GALNT13: variants seen among roughly 807,000 people sequenced by gnomAD.
GALNT13 encodes polypeptide N-acetylgalactosaminyltransferase 13, also known as UDP-GalNAc:polypeptide N-acetylgalactosaminyltransferase 13.
A neutral mutation model predicts 64.2 loss-of-function variants in GALNT13; 28 were observed. The observed-to-expected ratio is 0.44, with a 90% confidence interval of 0.32 to 0.60. The LOEUF is 0.60. Ranked by LOEUF, GALNT13 falls within the 20% of genes least tolerant of loss-of-function variation. The probability of loss-of-function intolerance (pLI) is 0.05; values close to 1 mark genes in which losing one functional copy is unlikely to be tolerated. For missense variants in GALNT13, 577 were observed against 669.8 expected, an observed-to-expected ratio of 0.86 and a Z score of 1.53; for synonymous variants, 214 against 224.6, an observed-to-expected ratio of 0.95 and a Z score of 0.42.
chr2:154,138,192 T>A (rs1683057402), intron 3 of GALNT13, among the ~76,000 whole-genome samples: 1 of 152,138 alleles, frequency 6.6e-6, no homozygotes, highest in Non-Finnish European at 1.5e-5. Context: ...TTTATTATTC[T>A]TTGTTTAAAG....
At chr2:153,844,144 C>T in the GALNT13 span, among the ~76,000 whole-genome samples, 2 of 152,160 alleles carry the variant, frequency 1.3e-5, no homozygotes, top group African/African-American at 4.8e-5. Context: ...CCACATGTCC[C>T]CTCCACATTG....
At chr2:153,741,257 T>G in the GALNT13 span, among the ~76,000 whole-genome samples, 4 of 152,050 alleles carry the variant, frequency 2.6e-5, no homozygotes, top group Non-Finnish European at 4.4e-5. Flanking sequence ...CCAATGTACT[T>G]TTCTATTTCA....
chr2:153,349,692 A>G, the GALNT13 span, among the ~76,000 whole-genome samples: 1 of 152,084 alleles, frequency 6.6e-6, no homozygotes, highest in African/African-American at 2.4e-5. Context: ...ACTCCTAGGA[A>G]AAGGAAGTTT....
chr2:154,347,568 G>T, intron 9 of GALNT13, among the ~76,000 whole-genome samples: 1 of 151,922 alleles, frequency 6.6e-6, no homozygotes, highest in African/African-American at 2.4e-5. Context: ...AACTGTCTTT[G>T]CTCATAATAT....
chr2:153,222,654 C>A, the GALNT13 span, among the ~76,000 whole-genome samples: 1 of 152,192 alleles, frequency 6.6e-6, no homozygotes, highest in Non-Finnish European at 1.5e-5. Context: ...CCTCAGGTCA[C>A]TGGCCTCCCT....
intron 4 of GALNT13, among the ~76,000 whole-genome samples, chr2:154,193,579 C>T (rs926579547): frequency 1.3e-5 from 2 of 152,210 alleles, no homozygotes; most frequent in Admixed American, 6.5e-5. Flanking sequence ...TCAGTGACAG[C>T]CTTGTCCTGA....
At chr2:153,388,371 T>A in the GALNT13 span, among the ~76,000 whole-genome samples, 1 of 152,134 alleles carries the variant, frequency 6.6e-6, no homozygotes, top group African/African-American at 2.4e-5. Context: ...GCCTTAGAGT[T>A]AGACATTCCT....
the GALNT13 span, among the ~76,000 whole-genome samples, chr2:153,860,277 C>T: frequency 5.3e-5 from 8 of 152,182 alleles, no homozygotes; most frequent in African/African-American, 1.9e-4. Flanking sequence ...TGAGTCCTGA[C>T]GAACAGATCA....
At chr2:153,897,611 GT>G (rs1411288446) in intron 1 of GALNT13, among the ~76,000 whole-genome samples, 1 of 152,044 alleles carries the variant, frequency 6.6e-6, no homozygotes, top group Non-Finnish European at 1.5e-5. Context: ...GAAATACCAT[GT>G]TTGTCATCAC....
At chr2:153,373,903 T>G in the GALNT13 span, among the ~76,000 whole-genome samples, 1 of 152,204 alleles carries the variant, frequency 6.6e-6, no homozygotes, top group Non-Finnish European at 1.5e-5. Flanking sequence ...TTCTTAACGT[T>G]ATGTCAAGTT....
At chr2:153,982,125 C>A (rs150442922) in intron 3 of GALNT13, among the ~76,000 whole-genome samples, 2 of 152,096 alleles carry the variant, frequency 1.3e-5, no homozygotes, top group Non-Finnish European at 2.9e-5. Flanking sequence ...AACATTTTTT[C>A]TCTCATATTT....
At chr2:153,330,186 A>G in the GALNT13 span, among the ~76,000 whole-genome samples, 1 of 152,198 alleles carries the variant, frequency 6.6e-6, no homozygotes, top group Non-Finnish European at 1.5e-5. Flanking sequence ...GTAGCCTTAT[A>G]GTATAGTTTG....
chr2:153,744,064 A>G, the GALNT13 span, among the ~76,000 whole-genome samples: 1 of 152,028 alleles, frequency 6.6e-6, no homozygotes, highest in Non-Finnish European at 1.5e-5. Context: ...AATTTTTTTA[A>G]TCCATCCACC....
chr2:154,059,415 T>A (rs538156413), intron 3 of GALNT13, among the ~76,000 whole-genome samples: 23 of 152,334 alleles, frequency 1.5e-4, no homozygotes, highest in African/African-American at 5.3e-4. Context: ...GTGATAATAA[T>A]TTACAATATA....
chr2:153,670,636 C>T, the GALNT13 span, among the ~76,000 whole-genome samples: 6 of 152,302 alleles, frequency 3.9e-5, no homozygotes, highest in African/African-American at 1.4e-4. Flanking sequence ...AACCAGAATG[C>T]CTCTTCTCCT....
intron 8 of GALNT13, among the ~76,000 whole-genome samples, chr2:154,269,926 T>TTTATATATATGTGTATATA (rs1553506260): frequency 3.0e-5 from 1 of 33,336 alleles, no homozygotes; most frequent in Non-Finnish European, 7.6e-5. Flanking sequence ...ATATATATAT[T>TTTATATATATGTGTATATA]TCTAAAGCAC....
intron 3 of GALNT13, among the ~76,000 whole-genome samples, chr2:154,109,718 C>T (rs910945694): frequency 3.9e-5 from 6 of 152,122 alleles, no homozygotes; most frequent in Admixed American, 3.9e-4. Context: ...GCTTTTTCTA[C>T]ATTTAATGAA....
intron 3 of GALNT13, 126 bp from the exon 4 acceptor site, chr2:154,140,211 A>G (rs1420910392): frequency 3.1e-6 from 2 of 643,916 alleles, no homozygotes; most frequent in South Asian, 2.6e-5. Context: ...TAAAATCTTG[A>G]TCATTATATT....
chr2:154,423,624 C>T (rs1281827864), intron 11 of GALNT13, among the ~76,000 whole-genome samples: 2 of 152,120 alleles, frequency 1.3e-5, no homozygotes, highest in East Asian at 3.9e-4. Context: ...ATAAATCTAA[C>T]ATAAATACAT....
Sources: gnomAD v4.1 joint callset for allele counts (sites outside exome capture counted in the v4.1 genomes callset) on GRCh38, gnomAD v4.1.1 for gene constraint, MANE v1.5 for transcripts, NCBI Gene and HGNC (gene_info 2026-07-23, HGNC 2026-07-21) for gene names.